The following IL1RAPL1 variants were observed in gnomAD, a reference collection of about 807,000 sequenced individuals.
IL1RAPL1 encodes interleukin-1 receptor accessory protein-like 1.
IL1RAPL1 carries 3 observed loss-of-function variants against 48.4 expected under a neutral mutation model. That is an observed-to-expected ratio of 0.06 (90% CI 0.03 to 0.16). IL1RAPL1 has a LOEUF of 0.16. IL1RAPL1 is among the 10% of genes least tolerant of loss of function. The pLI is 1.00. For synonymous variants in IL1RAPL1, 185 were observed against 187.7 expected, an observed-to-expected ratio of 0.99 and a Z score of 0.12; for missense variants, 349 against 530.6, an observed-to-expected ratio of 0.66 and a Z score of 3.36.
chrX:29,041,596 T>G (rs1320173840), intron 2 of IL1RAPL1, among the ~76,000 whole-genome samples: 1 of 112,342 alleles, frequency 8.9e-6, no homozygotes, highest in Admixed American at 9.5e-5. Context: ...AGAAACAGTA[T>G]AGACTAGGCA....
At chrX:29,335,742 A>G (rs1237467619) in intron 3 of IL1RAPL1, among the ~76,000 whole-genome samples, 1 of 111,450 alleles carries the variant, frequency 9.0e-6, no homozygotes, top group Non-Finnish European at 1.9e-5. Context: ...GAGGCCTTTG[A>G]CCTCTTACGG....
At chrX:29,564,462 T>G (rs1182194240) in intron 5 of IL1RAPL1, among the ~76,000 whole-genome samples, 2 of 112,901 alleles carry the variant, frequency 1.8e-5, no homozygotes, top group African/African-American at 3.2e-5. Context: ...ACAGAGAAAA[T>G]TATCATGTTC....
intron 2 of IL1RAPL1, among the ~76,000 whole-genome samples, chrX:29,007,938 A>G (rs977698032): frequency 3.6e-5 from 4 of 111,916 alleles, no homozygotes; most frequent in Non-Finnish European, 7.5e-5. Context: ...TATTACATTC[A>G]TATTTTATTT....
At position 29,704,100 on chromosome X, in the gene IL1RAPL1, A is replaced by T. The variant is rs898483864; in HGVS notation, c.778+35596A>T. Among the ~76,000 whole-genome samples the T allele has an allele frequency of 4.7e-5, 5 of 106,596 alleles. No homozygotes were observed. The East Asian group carries it at 1.5e-3, about 31-fold the overall frequency. The allele number at this position is 106,596 out of a possible 115,157, so 92.6% of individuals were successfully genotyped here. On this transcript the variant is annotated intron_variant, in intron 6 of 10. Transcript: ENST00000378993. The stretch of plus-strand genomic sequence containing the variant: ...ATAATACCTGGCTAATTTTTATTTT[A>T]TTTTTTTTTGGTGGAGAGGGAGTCT...
chrX:29,793,672 C>G (rs1046290437), intron 6 of IL1RAPL1, among the ~76,000 whole-genome samples: 2 of 111,513 alleles, frequency 1.8e-5, no homozygotes, highest in African/African-American at 3.3e-5. Context: ...CAAAAATGAT[C>G]CATTGATTCT....
intron 6 of IL1RAPL1, among the ~76,000 whole-genome samples, chrX:29,865,621 TTTTTC>T (rs1569188836): frequency 8.5e-5 from 9 of 106,053 alleles, no homozygotes; most frequent in Middle Eastern, 4.9e-3. Context: ...ATGTGCTGTT[TTTTTC>T]TTTTCTTTTC....
intron 2 of IL1RAPL1, among the ~76,000 whole-genome samples, chrX:29,083,168 G>A (rs1307787808): frequency 8.9e-6 from 1 of 111,813 alleles, no homozygotes; most frequent in Non-Finnish European, 1.9e-5. Flanking sequence ...AAGATCATTT[G>A]AGAATGATGC....
rs200423673 is a variant in IL1RAPL1, at chrX:28,972,779, CAT to C, written c.82+183355_82+183356del. 9.0e-5 allele frequency among the ~76,000 whole-genome samples: 10 copies of C among 111,125 alleles called. No individual in the cohort carries two copies. In the East Asian group the frequency reaches 2.3e-3, roughly 25 times the overall value. On this transcript the variant is annotated intron_variant, in intron 2 of 10. Coordinates refer to ENST00000378993, the MANE Select transcript of IL1RAPL1 (RefSeq NM_014271.4). ...AACATCAACAACAAAAAAACAAAAA[CAT>C]GTGCTGTGACTGCAGAGTTCGGGCA...
At chrX:29,595,432 C>T (rs901544715) in intron 5 of IL1RAPL1, among the ~76,000 whole-genome samples, 1 of 111,892 alleles carries the variant, frequency 8.9e-6, no homozygotes, top group African/African-American at 3.3e-5. Context: ...TATGGCCATT[C>T]TTACAGGAGT....
intron 1 of IL1RAPL1, among the ~76,000 whole-genome samples, chrX:28,713,115 C>T (rs955038299): frequency 4.5e-5 from 5 of 110,221 alleles, no homozygotes; most frequent in Non-Finnish European, 7.6e-5. Flanking sequence ...GTGCAGTGGC[C>T]TGATCTCGGC....
At position 28,821,476 on chromosome X, in the gene IL1RAPL1, A is replaced by G. The variant is rs566761840; in HGVS notation, c.82+32051A>G. 1.2e-4 allele frequency among the ~76,000 whole-genome samples: 13 copies of G among 111,656 alleles called. No homozygotes were observed. In the East Asian group the frequency reaches 1.4e-3, roughly 12 times the overall value. On this transcript the variant is annotated intron_variant, in intron 2 of 10. Coordinates refer to ENST00000378993, the MANE Select transcript of IL1RAPL1 (RefSeq NM_014271.4). Reference sequence around the variant, plus strand: ...AAAATCTTTTAAGTTTCCCAAAGACATTTCTCAGTGTACTAGAACACTTTC... The same window carrying G: ...AAAATCTTTTAAGTTTCCCAAAGACGTTTCTCAGTGTACTAGAACACTTTC...
chrX:29,946,961 A>G (rs1481041898), intron 9 of IL1RAPL1, among the ~76,000 whole-genome samples: 2 of 112,179 alleles, frequency 1.8e-5, no homozygotes, highest in Non-Finnish European at 3.8e-5. Context: ...TACACAGTAA[A>G]AAGCCACTAT....
At chrX:29,812,099 A>G (rs1930393375) in intron 6 of IL1RAPL1, among the ~76,000 whole-genome samples, 1 of 112,165 alleles carries the variant, frequency 8.9e-6, no homozygotes, top group Non-Finnish European at 1.9e-5. Context: ...TGTGAAATAT[A>G]TATGCTAGAA....
At chrX:29,228,225 A>C (rs950438245) in intron 2 of IL1RAPL1, among the ~76,000 whole-genome samples, 5 of 86,507 alleles carry the variant, frequency 5.8e-5, no homozygotes, top group African/African-American at 2.2e-4. Context: ...CACACACACA[A>C]CTGTGACCAT....
At chrX:29,420,558 T>A in intron 5 of IL1RAPL1, among the ~76,000 whole-genome samples, 1 of 112,360 alleles carries the variant, frequency 8.9e-6, no homozygotes, top group Non-Finnish European at 1.9e-5. Context: ...TTGACACTTT[T>A]TTCTTTCCCC....
chrX:28,768,563 C>G (rs1294855133), intron 1 of IL1RAPL1, among the ~76,000 whole-genome samples: 1 of 107,837 alleles, frequency 9.3e-6, no homozygotes, highest in Non-Finnish European at 1.9e-5. Context: ...CAATTTTATT[C>G]TGTGATTAGA....
chrX:28,782,657 C>G (rs1183466337), intron 1 of IL1RAPL1, among the ~76,000 whole-genome samples: 1 of 111,955 alleles, frequency 8.9e-6, no homozygotes, highest in Non-Finnish European at 1.9e-5. Context: ...TTGGACCAAA[C>G]TCTGTTTCTT....
intron 2 of IL1RAPL1, among the ~76,000 whole-genome samples, chrX:29,123,467 A>G (rs1476559270): frequency 8.9e-6 from 1 of 112,492 alleles, no homozygotes; most frequent in Non-Finnish European, 1.9e-5. Context: ...ATTCAACTGT[A>G]AAATATGACT....
chrX:29,826,884 TTGC>T (rs768050836), intron 6 of IL1RAPL1, among the ~76,000 whole-genome samples: 2 of 112,136 alleles, frequency 1.8e-5, no homozygotes, highest in Non-Finnish European at 3.8e-5. Flanking sequence ...AGGAGTGAAG[TTGC>T]TGAGTCATAC....
Sources: allele counts gnomAD v4.1 joint callset (sites outside exome capture counted in the v4.1 genomes callset), GRCh38; gene constraint gnomAD v4.1.1; transcripts MANE v1.5; gene names NCBI Gene and HGNC (gene_info 2026-07-23, HGNC 2026-07-21).